SCML4: variants seen among roughly 807,000 people sequenced by gnomAD.
The protein encoded by SCML4 is sex comb on midleg-like protein 4.
A neutral mutation model predicts 41.1 loss-of-function variants in SCML4; 34 were observed. The observed-to-expected ratio is 0.83, with a 90% CI of 0.63 to 1.10. The LOEUF is 1.10. Among genes scored for constraint, SCML4 ranks in the 50% least tolerant of loss-of-function variants. SCML4 has a pLI of 0.00. For missense variants in SCML4, 522 were observed against 534.1 expected, an observed-to-expected ratio of 0.98 and a Z score of 0.22; for synonymous variants, 214 against 220.9, an observed-to-expected ratio of 0.97 and a Z score of 0.28.
intron 7 of SCML4, among the ~76,000 whole-genome samples, chr6:107,707,094 G>A (rs1773714053): frequency 6.6e-6 from 1 of 152,128 alleles, no homozygotes; most frequent in Non-Finnish European, 1.5e-5. Context: ...CCAGCACTTT[G>A]GGATGAGACC....
intron 5 of SCML4, among the ~76,000 whole-genome samples, chr6:107,722,049 G>T (rs1057120936): frequency 9.3e-5 from 14 of 150,042 alleles, no homozygotes; most frequent in Admixed American, 2.7e-4. Flanking sequence ...GAGTGCAGTG[G>T]TGCGATCTCG....
intron 4 of SCML4, chr6:107,745,641 G>C (rs554339708): frequency 1.3e-5 from 2 of 153,116 alleles, no homozygotes; most frequent in Non-Finnish European, 2.9e-5. Context: ...TTGAAGCCAT[G>C]ATGTTTCCCC....
At chr6:107,710,490 T>C (rs9480795) in intron 6 of SCML4, among the ~76,000 whole-genome samples, 48,100 of 77,664 alleles carry the variant, frequency 0.62, 16,322 homozygotes, top group Non-Finnish European at 0.65. Flanking sequence ...AGAGTTTGTG[T>C]AGGGGCCAGA....
At chr6:107,821,481 G>C (rs1182305155) in intron 1 of SCML4, among the ~76,000 whole-genome samples, 1 of 152,192 alleles carries the variant, frequency 6.6e-6, no homozygotes, top group East Asian at 1.9e-4. Flanking sequence ...AAAGGCAACT[G>C]CTTTCACAAA....
chr6:107,793,408 A>G (rs554548709), intron 1 of SCML4, among the ~76,000 whole-genome samples: 1 of 152,348 alleles, frequency 6.6e-6, no homozygotes, highest in South Asian at 2.1e-4. Context: ...CACAGAACCA[A>G]TAACTGGGAA....
chr6:107,733,939 G>T (rs2049660), intron 5 of SCML4, among the ~76,000 whole-genome samples: 1 of 152,048 alleles, frequency 6.6e-6, no homozygotes, highest in African/African-American at 2.4e-5. Flanking sequence ...GGAGACCCCC[G>T]GCCATCTGGC....
chr6:107,780,813 A>G (rs909321004), intron 1 of SCML4, among the ~76,000 whole-genome samples: 4 of 152,146 alleles, frequency 2.6e-5, no homozygotes, highest in South Asian at 2.1e-4. Context: ...AGCTTGTAAC[A>G]TATTATTATT....
At chr6:107,758,281 AG>A (rs1211156477) in intron 2 of SCML4, among the ~76,000 whole-genome samples, 1 of 152,198 alleles carries the variant, frequency 6.6e-6, no homozygotes, top group Non-Finnish European at 1.5e-5. Context: ...GACTGGAGAA[AG>A]CTTTCCAGGC....
At chr6:107,750,988 C>T (rs1473437880) in intron 2 of SCML4, among the ~76,000 whole-genome samples, 1 of 152,124 alleles carries the variant, frequency 6.6e-6, no homozygotes, top group Non-Finnish European at 1.5e-5. Flanking sequence ...ACTGCTAGTT[C>T]CCCAGTCATT....
chr6:107,769,541 T>C (rs1332348967), intron 2 of SCML4, among the ~76,000 whole-genome samples: 2 of 152,130 alleles, frequency 1.3e-5, no homozygotes, highest in African/African-American at 4.8e-5. Context: ...ATAGACTTGT[T>C]ATACAGTCAA....
rs538596046 is a variant in SCML4 at position 107,724,612 on chromosome 6, TGAAA to T, written c.683-3623_683-3620del. Among the ~76,000 whole-genome samples, 300 of 152,214 alleles carry T rather than the reference TGAAA, an allele frequency of 2.0e-3. 1 individual carries two copies. Among genetic ancestry groups the T allele is most frequent in the South Asian group, 0.015 (72 of 4,820 alleles). ...TACTCTGAAAACTACAAAACATTGTTGAAAGAAATTAAAGAAGATATAAATAAAT... is the reference window on the plus strand; with the variant it reads ...TACTCTGAAAACTACAAAACATTGTTGAAATTAAAGAAGATATAAATAAAT... On this transcript the variant is annotated intron_variant, in intron 5 of 7. Transcript: ENST00000369020.
At chr6:107,752,294 A>G (rs1942507676) in intron 2 of SCML4, among the ~76,000 whole-genome samples, 1 of 151,946 alleles carries the variant, frequency 6.6e-6, no homozygotes, top group African/African-American at 2.4e-5. Context: ...CGAGTTTAAG[A>G]TACTTGCTAG....
At chr6:107,834,592 CCTCA>C in the SCML4 span, among the ~76,000 whole-genome samples, 1 of 152,194 alleles carries the variant, frequency 6.6e-6, no homozygotes, top group Non-Finnish European at 1.5e-5. Context: ...ATTCTAGAGT[CCTCA>C]CTAAGTGTGA....
chr6:107,823,836 G>C (rs1480203781), intron 1 of SCML4, among the ~76,000 whole-genome samples: 1 of 152,166 alleles, frequency 6.6e-6, no homozygotes, highest in East Asian at 1.9e-4. Flanking sequence ...TTTAAATGCA[G>C]AGTTAAAGAG....
At position 107,777,172 on chromosome 6, in the gene SCML4, C is replaced by T. The variant is rs568802142; in HGVS notation, c.-59-4786G>A. Among the ~76,000 whole-genome samples the T allele has an allele frequency of 2.5e-3, 386 of 152,312 alleles. 1 individual carries two copies. Among genetic ancestry groups the T allele is most frequent in the Middle Eastern group, 6.8e-3 (2 of 294 alleles). On this transcript the variant is annotated intron_variant, in intron 1 of 7. Coordinates refer to ENST00000369020, the MANE Select transcript of SCML4 (RefSeq NM_198081.5). ...CTTGCTGTGTTGCCAGGCTGGAGTG[C>T]AGTGGCACAATCTCGGCTCGCTGCA... is the stretch of plus-strand genomic sequence containing the variant.
chr6:107,790,724 G>A (rs571986910), intron 1 of SCML4, among the ~76,000 whole-genome samples: 34 of 152,226 alleles, frequency 2.2e-4, no homozygotes, highest in Admixed American at 1.4e-3. Flanking sequence ...ATGGCCAGAC[G>A]AGGACAACCA....
intron 5 of SCML4, among the ~76,000 whole-genome samples, chr6:107,725,735 AG>A (rs1434269310): frequency 1.3e-5 from 2 of 152,248 alleles, no homozygotes; most frequent in Non-Finnish European, 2.9e-5. Flanking sequence ...TGACACCAAA[AG>A]CACAAGCAAT....
chr6:107,737,987 A>T (rs1777236284), intron 5 of SCML4, among the ~76,000 whole-genome samples: 1 of 152,212 alleles, frequency 6.6e-6, no homozygotes, highest in Admixed American at 6.5e-5. Flanking sequence ...CCAAAATCTG[A>T]ATTTTAGCAA....
intron 1 of SCML4, among the ~76,000 whole-genome samples, chr6:107,789,351 G>A (rs929017431): frequency 2.6e-5 from 4 of 152,110 alleles, no homozygotes; most frequent in Non-Finnish European, 2.9e-5. Context: ...GGAGGGAAGC[G>A]GAGCACCTCT....
Sources: allele counts gnomAD v4.1 joint callset (sites outside exome capture counted in the v4.1 genomes callset), GRCh38; gene constraint gnomAD v4.1.1; transcripts MANE v1.5; gene names NCBI Gene and HGNC (gene_info 2026-07-23, HGNC 2026-07-21).